OSTF1: variants seen among roughly 807,000 people sequenced by gnomAD.
The protein encoded by OSTF1 is osteoclast-stimulating factor 1.
A neutral mutation model predicts 37.2 loss-of-function variants in OSTF1; 27 were observed. The ratio of observed to expected loss-of-function variants is 0.73; its 90% CI spans 0.54 to 1.00. The LOEUF is 1.00. Ranked by LOEUF, OSTF1 falls within the 50% of genes least tolerant of loss-of-function variation. The pLI, the probability that OSTF1 is intolerant of heterozygous loss-of-function variation, is 0.00. For missense variants in OSTF1, 232 were observed against 253.8 expected (o/e 0.91, Z 0.58); for synonymous variants, 82 against 89.2 (o/e 0.92, Z 0.46).
chr9:75,131,649 G>A, intron 4 of OSTF1, 121 bp from the exon 5 acceptor site: 3 of 709,562 alleles, frequency 4.2e-6, no homozygotes, highest in Non-Finnish European at 5.1e-6. Context: ...ATTAAGTAAA[G>A]GAAACTGTGT....
At chr9:75,098,761 A>G (rs1410092980) in intron 1 of OSTF1, among the ~76,000 whole-genome samples, 2 of 152,112 alleles carry the variant, frequency 1.3e-5, no homozygotes, top group African/African-American at 4.8e-5. Flanking sequence ...TAAGCCATAG[A>G]TTTAAATTAA....
Position 75,102,543 on chromosome 9 carries a change from T to C in OSTF1, c.34+13817T>C, listed in dbSNP as rs143068954. On this transcript the variant is annotated intron_variant, in intron 1 of 9. Coordinates refer to ENST00000346234, the MANE Select transcript of OSTF1 (RefSeq NM_012383.5). ...TGTGTGTCCTGATATGAAATATATT[T>C]CTTCCTACGGATCTCGAAAAAGTTT... 2.7e-3 allele frequency among the ~76,000 whole-genome samples: 413 copies of C among 152,348 alleles called. 4 individuals carry two copies. The highest frequency in any genetic ancestry group is 9.2e-3 in the African/African-American group (382 of 41,588).
At position 75,140,951 on chromosome 9, in the gene OSTF1, T is replaced by A; in HGVS notation, c.586+19T>A. On this transcript the variant is annotated intron_variant, in intron 9 of 9. Coordinates refer to ENST00000346234, the MANE Select transcript of OSTF1 (RefSeq NM_012383.5). ...GGAACAGGTATTTGTTTTAAATTCTTCTTTCTCCTCTGGTGCCCCATAACT... is the reference window on the plus strand; with the variant it reads ...GGAACAGGTATTTGTTTTAAATTCTACTTTCTCCTCTGGTGCCCCATAACT... 6.6e-7 allele frequency: 1 copy of A among 1,509,122 alleles called. No individual in the cohort carries two copies. 93.5% of individuals were successfully genotyped at this position (1,509,122 alleles called of 1,614,324 possible).
intron 1 of OSTF1, among the ~76,000 whole-genome samples, chr9:75,095,048 T>C (rs1279897014): frequency 2.0e-5 from 3 of 152,046 alleles, no homozygotes; most frequent in Non-Finnish European, 2.9e-5. Context: ...AAACAAACAA[T>C]ACAACACAAA....
chr9:75,111,885 G>A (rs190168021), intron 1 of OSTF1, among the ~76,000 whole-genome samples: 1 of 126,110 alleles, frequency 7.9e-6, no homozygotes, highest in African/African-American at 3.0e-5. Context: ...GTACAATGGT[G>A]TGATCTCGGC....
At chr9:75,146,253 GT>G (rs1463851014) in intron 9 of OSTF1, among the ~76,000 whole-genome samples, 1 of 152,200 alleles carries the variant, frequency 6.6e-6, no homozygotes, top group African/African-American at 2.4e-5. Context: ...AAGCTTCTTT[GT>G]TTTCATTCTT....
At chr9:75,111,134 C>T (rs578140876) in intron 1 of OSTF1, among the ~76,000 whole-genome samples, 5 of 152,226 alleles carry the variant, frequency 3.3e-5, no homozygotes, top group East Asian at 3.9e-4. Flanking sequence ...GCCCCAGGCC[C>T]GCCTAAGTGC....
chr9:75,122,850 A>C (rs1195616386), intron 2 of OSTF1, among the ~76,000 whole-genome samples: 5 of 152,220 alleles, frequency 3.3e-5, no homozygotes, highest in Non-Finnish European at 5.9e-5. Context: ...ACATCTGTGG[A>C]GAATTTGTTT....
intron 1 of OSTF1, among the ~76,000 whole-genome samples, chr9:75,109,218 G>A (rs1030561499): frequency 1.3e-5 from 2 of 151,798 alleles, no homozygotes; most frequent in South Asian, 2.1e-4. Context: ...TCACCGTGTC[G>A]GCCAGCTGTT....
intron 1 of OSTF1, among the ~76,000 whole-genome samples, chr9:75,091,911 T>G (rs1024797877): frequency 7.2e-5 from 11 of 152,218 alleles, no homozygotes; most frequent in African/African-American, 2.7e-4. Flanking sequence ...GAAAAGTAGT[T>G]ATTTTAATGG....
chr9:75,133,599 G>T (rs894532305), intron 6 of OSTF1, among the ~76,000 whole-genome samples, 198 bp downstream of exon 6: 2 of 152,174 alleles, frequency 1.3e-5, no homozygotes, highest in East Asian at 3.9e-4. Context: ...CACTGCATGG[G>T]TCCCTCTCGC....
chr9:75,106,396 G>A (rs1286107920), intron 1 of OSTF1, among the ~76,000 whole-genome samples: 1 of 152,154 alleles, frequency 6.6e-6, no homozygotes, highest in African/African-American at 2.4e-5. Flanking sequence ...TGTAATCCCA[G>A]CACTTTGAGA....
At chr9:75,088,933 AATAT>A (rs528357564) in intron 1 of OSTF1, among the ~76,000 whole-genome samples, 1 of 150,230 alleles carries the variant, frequency 6.7e-6, no homozygotes, top group African/African-American at 2.4e-5. Flanking sequence ...TTCGAGGATT[AATAT>A]ATATATATAT....
chr9:75,144,377 G>A (rs189489932), intron 9 of OSTF1, among the ~76,000 whole-genome samples: 2 of 152,198 alleles, frequency 1.3e-5, no homozygotes, highest in Admixed American at 1.3e-4. Flanking sequence ...ATAGTGAGAT[G>A]ACGTCTTTAC....
At chr9:75,093,056 C>CT (rs1244892484) in intron 1 of OSTF1, among the ~76,000 whole-genome samples, 2 of 135,532 alleles carry the variant, frequency 1.5e-5, no homozygotes, top group Non-Finnish European at 1.5e-5. Flanking sequence ...CTCTCTCTTT[C>CT]TTTCTTTCTT....
chr9:75,133,237 A>G, intron 5 of OSTF1, 57 bp from the exon 6 acceptor site: 3 of 1,109,584 alleles, frequency 2.7e-6, no homozygotes, highest in Non-Finnish European at 4.1e-6. Flanking sequence ...ATTTAAAAGC[A>G]AAATAAAAAG....
At chr9:75,122,329 C>G (rs1825594165) in intron 2 of OSTF1, among the ~76,000 whole-genome samples, 1 of 152,214 alleles carries the variant, frequency 6.6e-6, no homozygotes, top group Non-Finnish European at 1.5e-5. Context: ...CCCTGCCACT[C>G]ACTCTGATTT....
chr9:75,130,071 G>A (rs7847600), intron 3 of OSTF1, among the ~76,000 whole-genome samples: 3,944 of 152,156 alleles, frequency 0.026, 176 homozygotes, highest in African/African-American at 0.09. Flanking sequence ...AACAATATTG[G>A]TCATTAATAA....
rs766602712 is a variant in OSTF1 at position 75,114,099 on chromosome 9, ATGT to A, written c.35-3401_35-3399del. 1.2e-4 allele frequency among the ~76,000 whole-genome samples: 18 copies of A among 152,180 alleles called. No individual in the cohort carries two copies. In the South Asian group the frequency reaches 2.5e-3, roughly 21 times the overall value. On this transcript the variant is annotated intron_variant, in intron 1 of 9. Coordinates refer to ENST00000346234, the MANE Select transcript of OSTF1 (RefSeq NM_012383.5). ...AACATAATGTTCTTCAGGTTCATTA[ATGT>A]TGTCACAAATGACAGGATTTCTTTC...
Sources: allele counts gnomAD v4.1 joint callset (sites outside exome capture counted in the v4.1 genomes callset), GRCh38; gene constraint gnomAD v4.1.1; transcripts MANE v1.5; gene names NCBI Gene and HGNC (gene_info 2026-07-23, HGNC 2026-07-21).